SAMD12: variants seen among roughly 807,000 people sequenced by gnomAD.
SAMD12 encodes the protein sterile alpha motif domain-containing protein 12.
Under a neutral mutation model 15.0 loss-of-function variants are expected in SAMD12, and 9 were observed. That is an observed-to-expected ratio of 0.60 (90% CI 0.36 to 1.05). The LOEUF (loss-of-function observed/expected upper bound fraction) is 1.05. SAMD12 is among the 50% of genes least tolerant of loss of function. The pLI, the probability that SAMD12 is intolerant of heterozygous loss-of-function variation, is 0.01. For synonymous variants in SAMD12, 86 were observed against 90.1 expected (o/e 0.96, Z 0.25); for missense variants, 230 against 234.2 (o/e 0.98, Z 0.12).
At chr8:118,558,925 G>C (rs1365748809) in intron 2 of SAMD12, among the ~76,000 whole-genome samples, 1 of 152,182 alleles carries the variant, frequency 6.6e-6, no homozygotes, top group African/African-American at 2.4e-5. Flanking sequence ...AACTCATGCT[G>C]TTCGTTGTTC....
At chr8:118,591,385 C>A (rs1827581539) in intron 1 of SAMD12, among the ~76,000 whole-genome samples, 1 of 152,070 alleles carries the variant, frequency 6.6e-6, no homozygotes, top group Non-Finnish European at 1.5e-5. Flanking sequence ...TGTAAAATGG[C>A]AATACTAATA....
At chr8:118,608,291 C>T (rs968046010) in intron 1 of SAMD12, among the ~76,000 whole-genome samples, 3 of 151,736 alleles carry the variant, frequency 2.0e-5, no homozygotes, top group Admixed American at 6.6e-5. Context: ...TTGTGCATCT[C>T]GCCACACTGA....
chr8:118,235,487 GC>G (rs1440177244), intron 4 of SAMD12, among the ~76,000 whole-genome samples: 1 of 151,614 alleles, frequency 6.6e-6, no homozygotes, highest in Non-Finnish European at 1.5e-5. Context: ...GGGATTACAA[GC>G]ATGAGAAGTC....
intron 4 of SAMD12, among the ~76,000 whole-genome samples, chr8:118,233,059 A>G (rs1490440410): frequency 1.3e-5 from 2 of 152,152 alleles, no homozygotes; most frequent in Non-Finnish European, 2.9e-5. Context: ...GCAGAGAGGA[A>G]TGAATCTATT....
intron 4 of SAMD12, among the ~76,000 whole-genome samples, chr8:118,358,417 C>T (rs991421333): frequency 3.3e-5 from 5 of 152,146 alleles, no homozygotes; most frequent in Admixed American, 1.3e-4. Flanking sequence ...TCTTTCAAAT[C>T]GCATTAAGTC....
chr8:118,511,596 T>C (rs1030765331), intron 2 of SAMD12, among the ~76,000 whole-genome samples: 1 of 152,174 alleles, frequency 6.6e-6, no homozygotes. Flanking sequence ...CAGTTCTGGC[T>C]GAAGAGGAAT....
At chr8:118,545,594 GC>G (rs1826103241) in intron 2 of SAMD12, among the ~76,000 whole-genome samples, 1 of 152,110 alleles carries the variant, frequency 6.6e-6, no homozygotes, top group Non-Finnish European at 1.5e-5. Context: ...CATAGTCTTC[GC>G]CCAAAGTGGA....
intron 4 of SAMD12, among the ~76,000 whole-genome samples, chr8:118,256,016 G>A (rs1015049979): frequency 1.3e-5 from 2 of 152,158 alleles, no homozygotes; most frequent in Non-Finnish European, 2.9e-5. Context: ...TCCAGCACCT[G>A]TTGTTTCCTG....
intron 2 of SAMD12, among the ~76,000 whole-genome samples, chr8:118,536,237 C>T (rs1280430774): frequency 1.3e-5 from 2 of 152,070 alleles, no homozygotes; most frequent in Non-Finnish European, 2.9e-5. Flanking sequence ...TATCTGTTTT[C>T]TTTTCCCTTA....
chr8:118,613,696 A>G (rs1028569642), intron 1 of SAMD12, among the ~76,000 whole-genome samples: 1 of 152,232 alleles, frequency 6.6e-6, no homozygotes, highest in Non-Finnish European at 1.5e-5. Context: ...GGGCCATGGC[A>G]TATGATTCCA....
At position 118,378,910 on chromosome 8, in the gene SAMD12, T is replaced by G. The variant is rs1819520576; in HGVS notation, c.*507A>C. ...AGTTATTTATAATTCCTGTTAAGAA[T>G]TATATACTCTTAACAGTGTAGTTTT... On this transcript the variant is annotated 3_prime_UTR_variant, in exon 4 of 4. Coordinates refer to ENST00000314727, the MANE Select transcript of SAMD12 (RefSeq NM_207506.3). The G allele has an allele frequency of 1.1e-6, 1 of 945,344 alleles. No homozygotes were observed. 58.6% of individuals were successfully genotyped at this position (945,344 alleles called of 1,614,324 possible).
At chr8:118,257,374 A>C (rs1382152550) in intron 4 of SAMD12, among the ~76,000 whole-genome samples, 1 of 152,128 alleles carries the variant, frequency 6.6e-6, no homozygotes, top group African/African-American at 2.4e-5. Context: ...GCAGAATCCA[A>C]GAGACACACA....
chr8:118,191,177 C>A (rs1258227076), exon 5 of SAMD12: 1 of 152,132 alleles, frequency 6.6e-6, no homozygotes, highest in East Asian at 1.9e-4. Context: ...GACTGTGACA[C>A]ACAGTACAAA....
At chr8:118,438,854 T>G (rs1822651932) in intron 3 of SAMD12, among the ~76,000 whole-genome samples, 1 of 152,184 alleles carries the variant, frequency 6.6e-6, no homozygotes, top group Non-Finnish European at 1.5e-5. Context: ...AAAAAAGATC[T>G]GGACTAGAAA....
At chr8:118,411,197 C>A (rs1167102108) in intron 3 of SAMD12, among the ~76,000 whole-genome samples, 2 of 152,096 alleles carry the variant, frequency 1.3e-5, no homozygotes, top group Admixed American at 1.3e-4. Context: ...CAGGAAAAGA[C>A]AGATGAGTTA....
At chr8:118,282,599 G>T (rs1310997281) in intron 4 of SAMD12, among the ~76,000 whole-genome samples, 3 of 152,152 alleles carry the variant, frequency 2.0e-5, no homozygotes, top group African/African-American at 4.8e-5. Context: ...GGTGGTGGTG[G>T]TGGTTATTCT....
the SAMD12 span, among the ~76,000 whole-genome samples, chr8:118,178,796 A>G: frequency 6.6e-6 from 1 of 152,220 alleles, no homozygotes; most frequent in African/African-American, 2.4e-5. Context: ...TGGTCAGAAT[A>G]ATTAATGCTA....
At chr8:118,166,499 T>C in the SAMD12 span, among the ~76,000 whole-genome samples, 1 of 152,186 alleles carries the variant, frequency 6.6e-6, no homozygotes, top group African/African-American at 2.4e-5. Flanking sequence ...TCATTTCCCA[T>C]ATATTGCTCT....
At chr8:118,536,406 C>T (rs923106014) in intron 2 of SAMD12, among the ~76,000 whole-genome samples, 4 of 150,818 alleles carry the variant, frequency 2.7e-5, no homozygotes, top group Non-Finnish European at 5.9e-5. Flanking sequence ...TTTCACTTTA[C>T]TATCAGTTTA....
Sources: gnomAD v4.1 joint callset for allele counts (sites outside exome capture counted in the v4.1 genomes callset) on GRCh38, gnomAD v4.1.1 for gene constraint, MANE v1.5 for transcripts, NCBI Gene and HGNC (gene_info 2026-07-23, HGNC 2026-07-21) for gene names.